Variants in MAP7D2 observed in about 807,000 individuals in gnomAD.
MAP7D2 encodes MAP7 domain-containing protein 2.
A neutral mutation model predicts 63.5 loss-of-function variants in MAP7D2; 33 were observed. That is an observed-to-expected ratio of 0.52 (90% CI 0.39 to 0.70). MAP7D2 has a LOEUF of 0.70. MAP7D2 is among the 30% of genes least tolerant of loss of function. The probability of loss-of-function intolerance (pLI) is 0.00; values close to 1 mark genes in which losing one functional copy is unlikely to be tolerated. For synonymous variants in MAP7D2, 224 were observed against 223.7 expected, an observed-to-expected ratio of 1.00 and a Z score of -0.01; for missense variants, 626 against 604.0, an observed-to-expected ratio of 1.04 and a Z score of -0.38.
chrX:20,112,580 G>T (rs1404481925), intron 1 of MAP7D2, among the ~76,000 whole-genome samples: 6 of 111,197 alleles, frequency 5.4e-5, no homozygotes, highest in Non-Finnish European at 1.1e-4. Context: ...GGCCGACTCA[G>T]ATGTGAGGTG....
chrX:20,110,959 CCACTGAA>C (rs1313694515), intron 1 of MAP7D2, among the ~76,000 whole-genome samples: 3 of 111,756 alleles, frequency 2.7e-5, no homozygotes, highest in Admixed American at 9.6e-5. Flanking sequence ...CTTGCTTTGA[CCACTGAA>C]CACAGCAAAA....
chrX:20,075,576 A>G (rs1194491578), intron 1 of MAP7D2, among the ~76,000 whole-genome samples: 1 of 110,962 alleles, frequency 9.0e-6, no homozygotes, highest in Non-Finnish European at 1.9e-5. Flanking sequence ...TGACTCTTGG[A>G]AGGTACAGTG....
intron 8 of MAP7D2, among the ~76,000 whole-genome samples, chrX:20,031,728 C>T (rs764262076): frequency 1.8e-5 from 2 of 111,629 alleles, no homozygotes; most frequent in South Asian, 3.7e-4. Flanking sequence ...GATCACAGCA[C>T]GGCACTCCAG....
intron 1 of MAP7D2, among the ~76,000 whole-genome samples, chrX:20,100,957 G>A (rs1308264856): frequency 9.3e-6 from 1 of 107,688 alleles, no homozygotes; most frequent in Non-Finnish European, 1.9e-5. Flanking sequence ...GGAGGCGGAG[G>A]TTGCGGTGAG....
intron 3 of MAP7D2, among the ~76,000 whole-genome samples, chrX:20,059,478 C>G (rs1398287343): frequency 9.0e-6 from 1 of 111,196 alleles, no homozygotes; most frequent in African/African-American, 3.3e-5. Context: ...CAATTCCTGC[C>G]AAGTTCTGGT....
intron 5 of MAP7D2, chrX:20,052,503 TG>T: frequency 4.3e-6 from 1 of 232,979 alleles, no homozygotes; most frequent in Non-Finnish European, 8.0e-6. Flanking sequence ...TTATCAATTC[TG>T]CTCTTTCTGG....
intron 8 of MAP7D2, among the ~76,000 whole-genome samples, chrX:20,039,069 G>A (rs2064576972): frequency 8.9e-6 from 1 of 112,576 alleles, no homozygotes; most frequent in Non-Finnish European, 1.9e-5. Flanking sequence ...AAGGCAAAGA[G>A]AATACAGAAT....
chrX:20,102,657 GTTC>G (rs1057019854), intron 1 of MAP7D2, among the ~76,000 whole-genome samples: 32 of 109,095 alleles, frequency 2.9e-4, no homozygotes, highest in African/African-American at 9.0e-4. Context: ...GATCCCTAAG[GTTC>G]TTCTGATACT....
chrX:20,082,627 A>C (rs1437580695), intron 1 of MAP7D2, among the ~76,000 whole-genome samples: 1 of 111,642 alleles, frequency 9.0e-6, no homozygotes, highest in Non-Finnish European at 1.9e-5. Flanking sequence ...CAAATAGATT[A>C]TTATTTTTGT....
At chrX:20,042,394 C>T in intron 8 of MAP7D2, 108 bp downstream of exon 8, 1 of 916,559 alleles carries the variant, frequency 1.1e-6, no homozygotes, top group Non-Finnish European at 1.5e-6. Context: ...CCACTTCTGG[C>T]TGGCCACGCC....
chrX:20,069,019 C>T (rs781175294), intron 1 of MAP7D2, among the ~76,000 whole-genome samples: 1 of 111,878 alleles, frequency 8.9e-6, no homozygotes, highest in South Asian at 3.8e-4. Context: ...AACTCTAAGT[C>T]CAATTAAACC....
intron 1 of MAP7D2, among the ~76,000 whole-genome samples, chrX:20,065,785 A>G (rs2065342873): frequency 8.9e-6 from 1 of 112,443 alleles, no homozygotes. Context: ...CAACCCCTGC[A>G]GAACCCTAAA....
chrX:20,072,673 A>G (rs1316966698), intron 1 of MAP7D2, among the ~76,000 whole-genome samples: 2 of 111,283 alleles, frequency 1.8e-5, no homozygotes, highest in Non-Finnish European at 3.8e-5. Context: ...TCACACACCA[A>G]TTTCCTCTGA....
chrX:20,083,593 G>A (rs1287899367), intron 1 of MAP7D2, among the ~76,000 whole-genome samples: 5 of 112,126 alleles, frequency 4.5e-5, no homozygotes, highest in South Asian at 3.7e-4. Context: ...CACAGCAATC[G>A]GGTTTTGGAT....
At chrX:20,043,860 T>G (rs1692492113) in intron 7 of MAP7D2, among the ~76,000 whole-genome samples, 1 of 111,969 alleles carries the variant, frequency 8.9e-6, no homozygotes, top group South Asian at 3.8e-4. Flanking sequence ...AAGCTTGGCA[T>G]AGTAACATGT....
At position 20,024,959 on chromosome X, in the gene MAP7D2, T is replaced by C; in HGVS notation, c.1404A>G (p.Glu468=). The change falls in exon 10 of 17, where the codon GAA becomes GAG. Residue 468 remains glutamate (E), a synonymous_variant. Transcript: ENST00000379643. ...QEEQERLEKE[E]QDRLEREELK... is the part of the protein sequence containing the mutation. The stretch of plus-strand genomic sequence containing the variant: ...TCTGAGCACTAGCATACCTATCTTG[T>C]TCTTCCTTCTCCAGTCGTTCTTGCT... 8.3e-7 allele frequency: 1 copy of C among 1,210,720 alleles called. No homozygotes were observed. The highest frequency in any genetic ancestry group is 1.1e-6 in the Non-Finnish European group (1 of 895,007).
chrX:20,070,724 T>C (rs779394072), intron 1 of MAP7D2, among the ~76,000 whole-genome samples: 1 of 111,958 alleles, frequency 8.9e-6, no homozygotes, highest in Non-Finnish European at 1.9e-5. Context: ...AAAACAGGGA[T>C]ACTGAGCAGT....
chrX:20,108,398 C>G (rs958148389), intron 1 of MAP7D2, among the ~76,000 whole-genome samples: 1 of 109,766 alleles, frequency 9.1e-6, no homozygotes, highest in African/African-American at 3.3e-5. Flanking sequence ...CCACATCTGG[C>G]TAATTTTTGT....
At chrX:20,097,776 C>T (rs778107915) in intron 1 of MAP7D2, among the ~76,000 whole-genome samples, 1 of 111,385 alleles carries the variant, frequency 9.0e-6, no homozygotes, top group Non-Finnish European at 1.9e-5. Flanking sequence ...TAACCATGGG[C>T]CACCAAAGTA....
Sources: gnomAD v4.1 joint callset for allele counts (sites outside exome capture counted in the v4.1 genomes callset) on GRCh38, gnomAD v4.1.1 for gene constraint, MANE v1.5 for transcripts, NCBI Gene and HGNC (gene_info 2026-07-23, HGNC 2026-07-21) for gene names.